IMMP2L: variants seen among roughly 807,000 people sequenced by gnomAD.
IMMP2L encodes the protein mitochondrial inner membrane protease subunit 2.
IMMP2L carries 18 observed loss-of-function variants against 19.3 expected under a neutral mutation model. The observed-to-expected ratio is 0.93, with a 90% CI of 0.64 to 1.38. The LOEUF (loss-of-function observed/expected upper bound fraction) is 1.38, where lower values mean the gene tolerates loss of function less well. IMMP2L is among the 40% of genes most tolerant of loss of function. The pLI, the probability that IMMP2L is intolerant of heterozygous loss-of-function variation, is 0.00. For missense variants in IMMP2L, 233 were observed against 218.2 expected (o/e 1.07, Z -0.43); for synonymous variants, 76 against 73.0 (o/e 1.04, Z -0.21).
intron 5 of IMMP2L, among the ~76,000 whole-genome samples, chr7:110,807,264 A>G (rs1262639089): frequency 6.6e-6 from 1 of 152,024 alleles, no homozygotes; most frequent in Admixed American, 6.6e-5. Flanking sequence ...AAGCTGATAG[A>G]GTTAGCTCCT....
At chr7:111,313,780 A>T (rs1188549917) in intron 3 of IMMP2L, among the ~76,000 whole-genome samples, 1 of 152,138 alleles carries the variant, frequency 6.6e-6, no homozygotes, top group African/African-American at 2.4e-5. Flanking sequence ...ACAACAGCCA[A>T]GAAGGGTCAT....
At chr7:110,882,329 C>CTTTCCTTCCTTCCTTCCT (rs11384485) in intron 5 of IMMP2L, among the ~76,000 whole-genome samples, 1 of 127,594 alleles carries the variant, frequency 7.8e-6, no homozygotes, top group Non-Finnish European at 1.8e-5. Flanking sequence ...TCCTTCCTTC[C>CTTTCCTTCCTTCCTTCCT]TTCCTTCCTT....
At chr7:110,892,189 A>AC (rs1810867767) in intron 4 of IMMP2L, among the ~76,000 whole-genome samples, 1 of 152,094 alleles carries the variant, frequency 6.6e-6, no homozygotes, top group Non-Finnish European at 1.5e-5. Flanking sequence ...TCAGAAGAAA[A>AC]TGGTTACCTC....
intron 5 of IMMP2L, among the ~76,000 whole-genome samples, chr7:110,712,198 T>C (rs1311784394): frequency 7.4e-6 from 1 of 136,054 alleles, no homozygotes; most frequent in Non-Finnish European, 1.6e-5. Context: ...GGTGTAGATG[T>C]CCTTTCTGGT....
chr7:110,773,477 C>T (rs1465266414), intron 5 of IMMP2L, among the ~76,000 whole-genome samples: 2 of 152,052 alleles, frequency 1.3e-5, no homozygotes, highest in Admixed American at 6.6e-5. Flanking sequence ...CTGTCTAGAA[C>T]ATTAAAAAAT....
chr7:111,238,161 T>C (rs866639439), intron 3 of IMMP2L, among the ~76,000 whole-genome samples: 14 of 151,942 alleles, frequency 9.2e-5, no homozygotes, highest in African/African-American at 3.4e-4. Flanking sequence ...TATGGAAACA[T>C]AAGACCAAGT....
At chr7:111,139,756 A>AC (rs1802691572) in intron 3 of IMMP2L, among the ~76,000 whole-genome samples, 1 of 152,164 alleles carries the variant, frequency 6.6e-6, no homozygotes, top group African/African-American at 2.4e-5. Flanking sequence ...TTTCCTCTAA[A>AC]TAAAAAAAAC....
intron 1 of IMMP2L, among the ~76,000 whole-genome samples, chr7:111,552,575 A>G (rs938855384): frequency 6.6e-6 from 1 of 152,216 alleles, no homozygotes; most frequent in African/African-American, 2.4e-5. Flanking sequence ...GGTGTGAGCC[A>G]CCATCACTTC....
chr7:111,523,615 A>G (rs751430137), intron 1 of IMMP2L, among the ~76,000 whole-genome samples: 3 of 152,114 alleles, frequency 2.0e-5, no homozygotes, highest in South Asian at 2.1e-4. Context: ...TATATTGCAC[A>G]TAACATTCAC....
intron 4 of IMMP2L, among the ~76,000 whole-genome samples, chr7:110,937,548 C>A (rs1426713439): frequency 6.6e-6 from 1 of 152,104 alleles, no homozygotes; most frequent in Non-Finnish European, 1.5e-5. Flanking sequence ...AGTCATTCTA[C>A]CCCAGATGTC....
intron 3 of IMMP2L, among the ~76,000 whole-genome samples, chr7:111,114,333 TGTTTGA>T (rs1799591043): frequency 6.6e-6 from 1 of 152,178 alleles, no homozygotes; most frequent in African/African-American, 2.4e-5. Flanking sequence ...TCTATGCCAC[TGTTTGA>T]CAGACACATA....
At chr7:110,829,458 T>TTATGAA (rs1803772502) in intron 5 of IMMP2L, among the ~76,000 whole-genome samples, 1 of 152,168 alleles carries the variant, frequency 6.6e-6, no homozygotes, top group Non-Finnish European at 1.5e-5. Context: ...TGTAAATGTG[T>TTATGAA]TATGAATATA....
At chr7:111,079,342 C>T (rs900459392) in intron 3 of IMMP2L, among the ~76,000 whole-genome samples, 7 of 151,966 alleles carry the variant, frequency 4.6e-5, no homozygotes, top group African/African-American at 1.7e-4. Flanking sequence ...TGGTCTCGAT[C>T]TCCTGACCTC....
chr7:110,886,452 A>G (rs1186286943), intron 5 of IMMP2L, 141 bp downstream of exon 5: 1 of 602,940 alleles, frequency 1.7e-6, no homozygotes, highest in East Asian at 2.8e-5. Context: ...GATACTTAAA[A>G]GGAAATTTTC....
At chr7:110,831,512 C>T (rs896559482) in intron 5 of IMMP2L, among the ~76,000 whole-genome samples, 3 of 152,048 alleles carry the variant, frequency 2.0e-5, no homozygotes, top group African/African-American at 7.2e-5. Flanking sequence ...AATTATTGGC[C>T]TTTCAAACGT....
intron 3 of IMMP2L, among the ~76,000 whole-genome samples, chr7:111,270,439 T>C (rs1392010160): frequency 2.0e-5 from 3 of 152,168 alleles, no homozygotes; most frequent in Non-Finnish European, 4.4e-5. Context: ...ATTCTATTTG[T>C]CATGAGTATT....
chr7:111,449,363 G>A, intron 3 of IMMP2L, among the ~76,000 whole-genome samples: 1 of 107,322 alleles, frequency 9.3e-6, no homozygotes, highest in Non-Finnish European at 1.9e-5. Context: ...TATCCACCAT[G>A]ATCAAGTGGG....
At chr7:110,759,197 C>G (rs1284908543) in intron 5 of IMMP2L, among the ~76,000 whole-genome samples, 1 of 152,034 alleles carries the variant, frequency 6.6e-6, no homozygotes, top group Non-Finnish European at 1.5e-5. Context: ...CCTGAGTCAC[C>G]CCCAGGGAGA....
chr7:111,122,730 G>A (rs1217413524), intron 3 of IMMP2L: 1 of 1,489,872 alleles, frequency 6.7e-7, no homozygotes, highest in African/African-American at 1.4e-5. Flanking sequence ...ACTGACTGTG[G>A]AATCCTTAAG....
Sources: gnomAD v4.1 joint callset for allele counts (sites outside exome capture counted in the v4.1 genomes callset) on GRCh38, gnomAD v4.1.1 for gene constraint, MANE v1.5 for transcripts, NCBI Gene and HGNC (gene_info 2026-07-23, HGNC 2026-07-21) for gene names.